The following TTN variants were observed in gnomAD, a reference collection of about 807,000 sequenced individuals.
TTN encodes the protein connectin.
A neutral mutation model predicts 3,223.0 loss-of-function variants in TTN; 1,525 were observed. The ratio of observed to expected loss-of-function variants is 0.47; its 90% confidence interval spans 0.45 to 0.49. The LOEUF (loss-of-function observed/expected upper bound fraction) is 0.49, where lower values mean the gene tolerates loss of function less well. TTN is among the 20% of genes least tolerant of loss of function. The pLI, the probability that TTN is intolerant of heterozygous loss-of-function variation, is 0.00. For synonymous variants in TTN, 14,094 were observed against 15,161.0 expected, an observed-to-expected ratio of 0.93 and a Z score of 5.17; for missense variants, 40,786 against 43,424.0, an observed-to-expected ratio of 0.94 and a Z score of 5.40.
rs397517819 is a variant in TTN at position 178,746,179 on chromosome 2, C to T, written c.11312-4258G>A. Reference sequence around the variant, plus strand: ...CTTTATACCACTTAACTTCGGGAGTCGGGATCCCTATGACTGAACATTTGA... The same window carrying T: ...CTTTATACCACTTAACTTCGGGAGTTGGGATCCCTATGACTGAACATTTGA... On this transcript the variant is annotated intron_variant, in intron 47 of 362. Transcript: ENST00000589042. 2.2e-4 allele frequency: 356 copies of T among 1,613,228 alleles called. 3 individuals carry two copies. In the South Asian group the frequency reaches 3.2e-3, roughly 15 times the overall value.
chr2:178,731,225 A>G, intron 59 of TTN, 22 bp from the exon 60 acceptor site: 1 of 1,611,494 alleles, frequency 6.2e-7, no homozygotes, highest in Non-Finnish European at 8.5e-7. Flanking sequence ...AAAGGGATAG[A>G]TGTGGGTTGT....
At position 178,601,148 on chromosome 2, in the gene TTN, G is replaced by A. The variant is rs773983711; in HGVS notation, c.55756C>T (p.Leu18586Phe). ...TTCTTTGTGATGAGGCCAATCTTGAGTTTAATAGGAGGATCAGGAGGATCT... is the reference window on the plus strand; with the variant it reads ...TTCTTTGTGATGAGGCCAATCTTGAATTTAATAGGAGGATCAGGAGGATCT... ...PIYPPDPPIKLKIGLITKNTV... is the reference protein window; with the variant it reads ...PIYPPDPPIKFKIGLITKNTV... The change falls in exon 288 of 363, where the codon CTC (leucine) becomes TTC (phenylalanine). Residue 18586 changes from leucine to phenylalanine, a missense_variant. Leu to Phe is a conservative substitution (Grantham distance 22, BLOSUM62 0). Transcript: ENST00000589042. 6.5e-7 allele frequency: 1 copy of A among 1,544,388 alleles called. No individual in the cohort carries two copies. Among genetic ancestry groups the A allele is most frequent in the Non-Finnish European group, 8.7e-7 (1 of 1,149,486 alleles).
At chr2:178,722,959 T>A (rs755104672) in intron 75 of TTN, 22 bp from the exon 76 acceptor site, 1 of 1,600,396 alleles carries the variant, frequency 6.2e-7, no homozygotes, top group Non-Finnish European at 8.5e-7. Flanking sequence ...AGGCTCACAG[T>A]TAGCAACTGG....
In TTN at chr2:178,739,580, A is replaced by G. The variant is rs2082124378; in HGVS notation, c.13653T>C (p.Pro4551=). ...QSRVKYLDAT[P]VTKGVASAVV... Reference sequence around the variant, plus strand: ...CAGCTGAAGCAACCCCTTTAGTGACAGGTGTGGCATCCAAATATTTAACCC... The same window carrying G: ...CAGCTGAAGCAACCCCTTTAGTGACGGGTGTGGCATCCAAATATTTAACCC... Residue 4551 remains proline, a synonymous_variant, in exon 48 of 363, where the codon CCT becomes CCC. Transcript: ENST00000589042. The G allele has an allele frequency of 6.2e-7, 1 of 1,613,756 alleles. No individual in the cohort carries two copies. The highest frequency in any genetic ancestry group is 1.3e-5 in the African/African-American group (1 of 74,926).
At chr2:178,536,754 A>G in intron 356 of TTN, 179 bp from the exon 357 acceptor site, 2 of 781,838 alleles carry the variant, frequency 2.6e-6, no homozygotes, top group Non-Finnish European at 3.8e-6. Context: ...CTATTTTTAC[A>G]ATGGGGTTAG....
chr2:178,635,363 T>C (rs1439789425), intron 227 of TTN, 59 bp from the exon 228 acceptor site: 1 of 1,607,190 alleles, frequency 6.2e-7, no homozygotes, highest in Non-Finnish European at 8.5e-7. Context: ...ATGCTTTGCT[T>C]TTATGTGTTT....
In TTN at chr2:178,552,520, A is replaced by G. The variant is rs1355410047; in HGVS notation, c.90380T>C (p.Ile30127Thr). 1 of 1,613,688 alleles carries G rather than the reference A, an allele frequency of 6.2e-7. No homozygotes were observed. Among genetic ancestry groups the G allele is most frequent in the South Asian group, 1.1e-5 (1 of 91,078 alleles). ...IGPITVKELI[I>T]TPEVDLSDIP... ...ATCTGACAGGTCAACTTCAGGTGTAATAATAAGTTCTTTCACTGTAATTGG... is the reference window on the plus strand; with the variant it reads ...ATCTGACAGGTCAACTTCAGGTGTAGTAATAAGTTCTTTCACTGTAATTGG... Residue 30127 changes from isoleucine to threonine, a missense_variant, in exon 335 of 363, where the codon ATT (isoleucine) becomes ACT (threonine). Coordinates refer to ENST00000589042, the MANE Select transcript of TTN (RefSeq NM_001267550.2).
At chr2:178,613,405 A>T in intron 263 of TTN, 129 bp from the exon 264 acceptor site, 1 of 801,902 alleles carries the variant, frequency 1.2e-6, no homozygotes, top group South Asian at 2.0e-5. Context: ...ACTGAAAAGC[A>T]CTTCAATATA....
chr2:178,785,804 G>T, intron 14 of TTN, 44 bp downstream of exon 14: 1 of 1,614,126 alleles, frequency 6.2e-7, no homozygotes, highest in Admixed American at 1.7e-5. Context: ...AGTGAGGCTT[G>T]CTTTACCATG....
intron 218 of TTN, 32 bp downstream of exon 218, chr2:178,644,516 C>T (rs2061633870): frequency 6.5e-7 from 1 of 1,526,906 alleles, no homozygotes; most frequent in Non-Finnish European, 8.8e-7. Context: ...AGGGGTACTA[C>T]ATAAGTATGT....
Position 178,677,931 on chromosome 2 carries a change from T to C in TTN, c.33995-14A>G. 6.3e-7 allele frequency: 1 copy of C among 1,581,114 alleles called. No homozygotes were observed. Among genetic ancestry groups the C allele is most frequent in the South Asian group, 1.2e-5 (1 of 84,422 alleles). ...GTTTCTTTGGCACTTTAAAGATATT[T>C]ATTCAAGGGTACAAACATCACTTTT... On this transcript the variant is annotated splice_polypyrimidine_tract_variant and intron_variant, in intron 145 of 362. Transcript: ENST00000589042.
At chr2:178,781,380 T>G in intron 20 of TTN, 117 bp from the exon 21 acceptor site, 1 of 1,153,464 alleles carries the variant, frequency 8.7e-7, no homozygotes, top group Admixed American at 2.0e-5. Flanking sequence ...CCTAAACATA[T>G]GACTAAGCTC....
chr2:178,590,575 T>A lies in TTN; in HGVS notation c.61150A>T (p.Ser20384Cys), dbSNP rs778981748. The A allele has an allele frequency of 1.2e-6, 2 of 1,612,642 alleles. No individual in the cohort carries two copies. The highest frequency in any genetic ancestry group is 1.7e-6 in the Non-Finnish European group (2 of 1,179,244). ...CACACCAAATCAGCTGTTTCTCTGC[T>A]CTTGTCTTTCAGTTTAGGATTAATA... ...PPINPKLKDKSRETADLVWTK... is the reference protein window; with the variant it reads ...PPINPKLKDKCRETADLVWTK... Residue 20384 changes from serine to cysteine, a missense_variant, in exon 304 of 363, where the codon AGC becomes TGC. Coordinates refer to ENST00000589042, the MANE Select transcript of TTN (RefSeq NM_001267550.2).
At position 178,782,442 on chromosome 2, in the gene TTN, C is replaced by G; in HGVS notation, c.3165-15G>C. On this transcript the variant is annotated splice_polypyrimidine_tract_variant and intron_variant, in intron 19 of 362. Coordinates refer to ENST00000589042, the MANE Select transcript of TTN (RefSeq NM_001267550.2). Reference sequence around the variant, plus strand: ...ACTCAACAAAGCTGGAAAGAGAATTCCCCTCATATTAGCTTCCGGGTTGCA... The same window carrying G: ...ACTCAACAAAGCTGGAAAGAGAATTGCCCTCATATTAGCTTCCGGGTTGCA... 1 of 1,614,000 alleles carries G rather than the reference C, an allele frequency of 6.2e-7. No individual in the cohort carries two copies. The highest frequency in any genetic ancestry group is 1.6e-4 in the Middle Eastern group (1 of 6,062).
At chr2:178,791,975 A>G (rs1002907147) in intron 10 of TTN, 97 bp downstream of exon 10, 6 of 1,333,942 alleles carry the variant, frequency 4.5e-6, no homozygotes, top group East Asian at 2.4e-5. Context: ...ACAACCAAAG[A>G]CTTCTCCATT....
rs376383610 is a variant in TTN, at chr2:178,722,404, G to T, written c.22383C>A (p.Asp7461Glu). ...CAAATGAAGTCTGTAGATTTTCATCGTCTCTTAAAAGTACTCCATCTCTAT... is the reference window on the plus strand; with the variant it reads ...CAAATGAAGTCTGTAGATTTTCATCTTCTCTTAAAAGTACTCCATCTCTAT... ...CWYRDGVLLR[D>E]DENLQTSFVD... The change falls in exon 77 of 363, where the codon GAC becomes GAA. Residue 7461 changes from aspartate to glutamate, a missense_variant. Transcript: ENST00000589042. 1.2e-6 allele frequency: 2 copies of T among 1,613,338 alleles called. No individual in the cohort carries two copies. Among genetic ancestry groups the T allele is most frequent in the East Asian group, 4.5e-5 (2 of 44,820 alleles).
In TTN at chr2:178,794,385, A is replaced by T; in HGVS notation, c.1398+14T>A. On this transcript the variant is annotated intron_variant, in intron 8 of 362. Transcript: ENST00000589042. ...CGTGGCTCTGCGGGTGCCCCATGGCAGCCTCGCACGTACCTGTTCTTGAGC... is the reference window on the plus strand; with the variant it reads ...CGTGGCTCTGCGGGTGCCCCATGGCTGCCTCGCACGTACCTGTTCTTGAGC... 1 of 1,613,998 alleles carries T rather than the reference A, an allele frequency of 6.2e-7. No individual in the cohort carries two copies. The highest frequency in any genetic ancestry group is 8.5e-7 in the Non-Finnish European group (1 of 1,179,940).
chr2:178,693,589 T>C lies in TTN; in HGVS notation c.31594+20A>G, dbSNP rs2072987881. ...TAATTTTTATTAAAAGAGTTTAAAC[T>C]TAGAATGAATTACTAATACCTTTAG... is the stretch of plus-strand genomic sequence containing the variant. On this transcript the variant is annotated intron_variant, in intron 119 of 362. Coordinates refer to ENST00000589042, the MANE Select transcript of TTN (RefSeq NM_001267550.2). The C allele has an allele frequency of 6.6e-7, 1 of 1,515,288 alleles. No homozygotes were observed. Among genetic ancestry groups the C allele is most frequent in the Non-Finnish European group, 8.9e-7 (1 of 1,117,680 alleles). The allele number at this position is 1,515,288 out of a possible 1,614,324, so 93.9% of individuals were successfully genotyped here. A position where few individuals can be genotyped will look rare whatever the true frequency, so the allele number is the denominator to read the frequency against.
rs1197168679 is a variant in TTN, at chr2:178,588,899, A to T, written c.62826T>A (p.Asn20942Lys). ...NEYIFRVRAE[N>K]KIGTGPPTES... ...CTGTTGGAGGCCCTGTGCCTATTTT[A>T]TTTTCTGCACGGACTCTGAAAATAT... The change falls in exon 304 of 363, where the codon AAT (asparagine) becomes AAA (lysine). Residue 20942 changes from asparagine (N) to lysine (K), a missense_variant. Asn to Lys is a moderately conservative substitution (Grantham distance 94). Transcript: ENST00000589042. 1 of 1,612,864 alleles carries T rather than the reference A, an allele frequency of 6.2e-7. No homozygotes were observed.
Sources: allele counts gnomAD v4.1 joint callset, GRCh38; gene constraint gnomAD v4.1.1; transcripts MANE v1.5; gene names NCBI Gene and HGNC (gene_info 2026-07-23, HGNC 2026-07-21).